Variants in TPO observed in about 807,000 individuals in gnomAD.
TPO encodes the protein thyroid peroxidase.
TPO carries 78 observed loss-of-function variants against 96.9 expected under a neutral mutation model. That is an observed-to-expected ratio of 0.81 (90% CI 0.67 to 0.97). TPO has a LOEUF of 0.97. Among genes scored for constraint, TPO ranks in the 50% least tolerant of loss-of-function variants. TPO has a pLI of 0.00. For missense variants in TPO, 1,252 were observed against 1,274.8 expected, an observed-to-expected ratio of 0.98 and a Z score of 0.27; for synonymous variants, 547 against 538.0, an observed-to-expected ratio of 1.02 and a Z score of -0.23.
chr2:1,540,374 A>G (rs1303854615), intron 15 of TPO, among the ~76,000 whole-genome samples: 2 of 152,132 alleles, frequency 1.3e-5, no homozygotes, highest in Non-Finnish European at 2.9e-5. Context: ...TCTTGGCTGC[A>G]AATTCTAAAA....
At chr2:1,534,513 C>G (rs1679093683) in intron 15 of TPO, among the ~76,000 whole-genome samples, 1 of 74,506 alleles carries the variant, frequency 1.3e-5, no homozygotes, top group Non-Finnish European at 3.0e-5. Context: ...GTGCAACTTC[C>G]CCAAATCCCT....
At chr2:1,470,007 ATCC>A (rs929198350) in intron 7 of TPO, among the ~76,000 whole-genome samples, 6 of 152,286 alleles carry the variant, frequency 3.9e-5, no homozygotes, top group Admixed American at 6.5e-5. Context: ...GTCACAAAAA[ATCC>A]TCCTCATGTT....
At chr2:1,413,894 T>C (rs1662605714) in intron 1 of TPO, among the ~76,000 whole-genome samples, 2 of 152,238 alleles carry the variant, frequency 1.3e-5, no homozygotes, top group African/African-American at 2.4e-5. Context: ...ATTTTGAATC[T>C]TCTGTTTTGT....
chr2:1,529,091 T>A (rs562551579), intron 15 of TPO, among the ~76,000 whole-genome samples: 16 of 51,240 alleles, frequency 3.1e-4, no homozygotes, highest in East Asian at 2.2e-3. Flanking sequence ...CCAACTGTGT[T>A]TAACCTCTCC....
rs887028940 is a variant in TPO, at chr2:1,527,992, C to T, written c.2618+11010C>T. Among the ~76,000 whole-genome samples, 6 of 145,426 alleles carry T rather than the reference C, an allele frequency of 4.1e-5. No homozygotes were observed. The East Asian group carries it at 1.4e-3, about 34-fold the overall frequency. ...CCCACTGCGTGCAACCTCCTCAAAT[C>T]CCCCCAATGTGAGGAACCTCCTCAA... is the stretch of plus-strand genomic sequence containing the variant. On this transcript the variant is annotated intron_variant, in intron 15 of 16. Transcript: ENST00000329066.
intron 10 of TPO, among the ~76,000 whole-genome samples, chr2:1,489,711 C>G (rs1176573095): frequency 1.3e-5 from 2 of 151,404 alleles, no homozygotes. Context: ...CTGACAAGGA[C>G]AGAAGGGCCT....
chr2:1,453,241 C>T (rs373346840), intron 5 of TPO, among the ~76,000 whole-genome samples: 2 of 152,218 alleles, frequency 1.3e-5, no homozygotes, highest in Admixed American at 6.5e-5. Flanking sequence ...GACAATCACA[C>T]GGGCAGGAAC....
intron 1 of TPO, among the ~76,000 whole-genome samples, chr2:1,379,995 C>T (rs1374848515): frequency 1.3e-5 from 2 of 152,168 alleles, no homozygotes; most frequent in African/African-American, 2.4e-5. Flanking sequence ...CATTACTACA[C>T]TGACTCTGAA....
At chr2:1,401,054 C>A (rs774601769) in intron 1 of TPO, among the ~76,000 whole-genome samples, 4 of 148,562 alleles carry the variant, frequency 2.7e-5, no homozygotes, top group African/African-American at 5.3e-5. Flanking sequence ...TACTCCTCAC[C>A]TTGCTGTAAG....
At chr2:1,500,035 T>C (rs1256100604) in intron 13 of TPO, among the ~76,000 whole-genome samples, 1 of 152,218 alleles carries the variant, frequency 6.6e-6, no homozygotes, top group Non-Finnish European at 1.5e-5. Context: ...ACTACACAGT[T>C]AGCAGGGCGT....
In TPO at chr2:1,505,906, C is replaced by T. The variant is rs987442187; in HGVS notation, c.2518+1827C>T. Among the ~76,000 whole-genome samples, 8 of 149,632 alleles carry T rather than the reference C, an allele frequency of 5.3e-5. 1 individual carries two copies. Among genetic ancestry groups the T allele is most frequent in the South Asian group, 2.1e-4 (1 of 4,716 alleles). On this transcript the variant is annotated intron_variant, in intron 14 of 16. Coordinates refer to ENST00000329066, the MANE Select transcript of TPO (RefSeq NM_001206744.2). Reference sequence around the variant, plus strand: ...CTTTAAGTTTTAGGGTACATGTGCACAACGTGCAGGTTTGTTACATATGTA... The same window carrying T: ...CTTTAAGTTTTAGGGTACATGTGCATAACGTGCAGGTTTGTTACATATGTA...
At chr2:1,489,907 G>A (rs1056578610) in intron 10 of TPO, among the ~76,000 whole-genome samples, 2 of 152,230 alleles carry the variant, frequency 1.3e-5, no homozygotes, top group Admixed American at 6.5e-5. Flanking sequence ...ACGCAAACAC[G>A]AGAGTGCTTG....
At chr2:1,535,327 C>A (rs1194868462) in intron 15 of TPO, among the ~76,000 whole-genome samples, 5 of 29,314 alleles carry the variant, frequency 1.7e-4, no homozygotes, top group Non-Finnish European at 2.3e-4. Context: ...TCCTCAAATC[C>A]CCCCCACTGT....
At chr2:1,399,662 AC>A (rs1662134724) in intron 1 of TPO, among the ~76,000 whole-genome samples, 1 of 152,114 alleles carries the variant, frequency 6.6e-6, no homozygotes, top group Admixed American at 6.5e-5. Flanking sequence ...CCTGTTGCCC[AC>A]CCTTTCCATC....
Position 1,530,803 on chromosome 2 carries a change from G to A in TPO, c.2619-9791G>A, listed in dbSNP as rs543316492. Among the ~76,000 whole-genome samples the A allele has an allele frequency of 2.4e-4, 21 of 86,232 alleles. 4 individuals carry two copies. Among genetic ancestry groups the A allele is most frequent in the African/African-American group, 1.0e-3 (21 of 20,112 alleles). The allele number at this position is 86,232 out of a possible 152,430, so 56.6% of individuals were successfully genotyped here. On this transcript the variant is annotated intron_variant, in intron 15 of 16. Transcript: ENST00000329066. ...GGGGGGCAACGTCCTCAAATCCCCC[G>A]ACTGTGTGCAACCTCCTGAAATCCC...
intron 3 of TPO, among the ~76,000 whole-genome samples, chr2:1,423,923 T>G (rs1258060366): frequency 6.6e-6 from 1 of 152,184 alleles, no homozygotes; most frequent in Non-Finnish European, 1.5e-5. Context: ...GGGCAGGAAT[T>G]CCTGGGGAAG....
intron 7 of TPO, among the ~76,000 whole-genome samples, chr2:1,476,587 G>A (rs1397830124): frequency 6.6e-6 from 1 of 152,206 alleles, no homozygotes; most frequent in Non-Finnish European, 1.5e-5. Context: ...AAAGGAAGAA[G>A]TCAGCTCTTC....
chr2:1,464,856 T>G (rs28911170), intron 7 of TPO, among the ~76,000 whole-genome samples: 10,415 of 152,296 alleles, frequency 0.068, 574 homozygotes, highest in African/African-American at 0.14. Context: ...AGTTGTCTGT[T>G]TACTCTACTG....
At chr2:1,530,227 T>TC in intron 15 of TPO, among the ~76,000 whole-genome samples, 1 of 4,826 alleles carries the variant, frequency 2.1e-4, no homozygotes, top group Non-Finnish European at 3.4e-4. Context: ...CCTCCTCTAG[T>TC]CCCCCACTGT....
Sources: allele counts gnomAD v4.1 joint callset (sites outside exome capture counted in the v4.1 genomes callset), GRCh38; gene constraint gnomAD v4.1.1; transcripts MANE v1.5; gene names NCBI Gene and HGNC (gene_info 2026-07-23, HGNC 2026-07-21).